SGMS1: variants seen among roughly 807,000 people sequenced by gnomAD.
SGMS1 encodes sphingomyelin synthase 1, also known as phosphatidylcholine:ceramide cholinephosphotransferase 1.
In SGMS1, 13 loss-of-function variants were observed where a neutral mutation model predicts 46.2. That is an observed-to-expected ratio of 0.28 (90% CI 0.18 to 0.45). The LOEUF is 0.45. Ranked by LOEUF, SGMS1 falls within the 20% of genes least tolerant of loss-of-function variation. The pLI is 1.00. For missense variants in SGMS1, 324 were observed against 519.9 expected, an observed-to-expected ratio of 0.62 and a Z score of 3.66; for synonymous variants, 203 against 187.8, an observed-to-expected ratio of 1.08 and a Z score of -0.66.
chr10:50,498,888 T>C (rs11005952), intron 3 of SGMS1, among the ~76,000 whole-genome samples: 20,044 of 152,208 alleles, frequency 0.13, 1,427 homozygotes, highest in Middle Eastern at 0.21. Context: ...GGAACTGTCA[T>C]ATTGTTTTCC....
At chr10:50,314,389 G>A (rs1847305846) in intron 8 of SGMS1, among the ~76,000 whole-genome samples, 1 of 152,074 alleles carries the variant, frequency 6.6e-6, no homozygotes, top group Non-Finnish European at 1.5e-5. Context: ...ACAGCTCTTC[G>A]AATGATTTGC....
chr10:50,420,739 T>C (rs1344865678), intron 6 of SGMS1, among the ~76,000 whole-genome samples: 3 of 152,226 alleles, frequency 2.0e-5, no homozygotes, highest in African/African-American at 7.2e-5. Context: ...TAAGTGTATA[T>C]GAACAACTCC....
At chr10:50,537,329 C>T (rs1448582617) in intron 2 of SGMS1, among the ~76,000 whole-genome samples, 1 of 152,020 alleles carries the variant, frequency 6.6e-6, no homozygotes, top group Non-Finnish European at 1.5e-5. Context: ...AGACTACTCA[C>T]CTGGGATGGT....
intron 6 of SGMS1, among the ~76,000 whole-genome samples, chr10:50,392,522 C>T (rs913806441): frequency 6.6e-6 from 1 of 152,132 alleles, no homozygotes; most frequent in Admixed American, 6.5e-5. Context: ...TCTACTGAGA[C>T]GTGAACTGCA....
At chr10:50,517,106 G>A (rs1301029074) in intron 3 of SGMS1, among the ~76,000 whole-genome samples, 1 of 152,110 alleles carries the variant, frequency 6.6e-6, no homozygotes, top group Non-Finnish European at 1.5e-5. Flanking sequence ...CATCCTCCTG[G>A]CTCCTAGCAC....
chr10:50,335,888 A>C (rs530216563), intron 7 of SGMS1: 13 of 152,224 alleles, frequency 8.5e-5, no homozygotes, highest in Non-Finnish European at 1.9e-4. Flanking sequence ...CTTATCTTCT[A>C]ATCTGCCTAC....
intron 6 of SGMS1, among the ~76,000 whole-genome samples, chr10:50,413,472 G>A (rs1422970257): frequency 6.6e-6 from 1 of 152,342 alleles, no homozygotes; most frequent in East Asian, 1.9e-4. Context: ...GCATTCAAAT[G>A]TCAGAAACAG....
At chr10:50,621,883 C>T (rs1181860885) in intron 1 of SGMS1, among the ~76,000 whole-genome samples, 2 of 152,234 alleles carry the variant, frequency 1.3e-5, no homozygotes, top group African/African-American at 4.8e-5. Flanking sequence ...CACCCCACTG[C>T]TACCCAGCAG....
At chr10:50,326,094 G>C (rs943694947) in intron 8 of SGMS1, among the ~76,000 whole-genome samples, 1 of 152,010 alleles carries the variant, frequency 6.6e-6, no homozygotes, top group African/African-American at 2.4e-5. Context: ...GGAATGTTGA[G>C]AACATTGCTT....
chr10:50,604,351 G>A (rs1025961058), intron 1 of SGMS1, among the ~76,000 whole-genome samples: 1 of 152,046 alleles, frequency 6.6e-6, no homozygotes, highest in Non-Finnish European at 1.5e-5. Flanking sequence ...GAGGTTCCAG[G>A]GACGGTGTCT....
chr10:50,612,433 T>G (rs971150681), intron 1 of SGMS1, among the ~76,000 whole-genome samples: 2 of 152,162 alleles, frequency 1.3e-5, no homozygotes, highest in Non-Finnish European at 2.9e-5. Flanking sequence ...AAGGTAGTGC[T>G]GAAATCAGCT....
intron 6 of SGMS1, among the ~76,000 whole-genome samples, chr10:50,388,092 T>C (rs1174484261): frequency 6.6e-6 from 1 of 152,150 alleles, no homozygotes; most frequent in Non-Finnish European, 1.5e-5. Flanking sequence ...TATGCTACCA[T>C]TTGTGTAAGA....
At chr10:50,362,944 A>T (rs778092244) in intron 6 of SGMS1, among the ~76,000 whole-genome samples, 1 of 152,148 alleles carries the variant, frequency 6.6e-6, no homozygotes, top group Non-Finnish European at 1.5e-5. Flanking sequence ...AAGTGAAATC[A>T]GCAAAAAAAT....
chr10:50,503,371 TC>T (rs1338307227), intron 3 of SGMS1, among the ~76,000 whole-genome samples: 1 of 152,160 alleles, frequency 6.6e-6, no homozygotes, highest in Non-Finnish European at 1.5e-5. Flanking sequence ...AGCTAAGCCA[TC>T]ATATCCCCTG....
chr10:50,431,166 A>C (rs1449494701), intron 6 of SGMS1, among the ~76,000 whole-genome samples: 10 of 152,196 alleles, frequency 6.6e-5, no homozygotes, highest in Admixed American at 6.5e-4. Flanking sequence ...AGCCAAAGGT[A>C]ATTATTTCAT....
intron 2 of SGMS1, among the ~76,000 whole-genome samples, chr10:50,559,171 C>A (rs1178616246): frequency 6.6e-6 from 1 of 152,114 alleles, no homozygotes; most frequent in Admixed American, 6.5e-5. Context: ...ATATCAAAGG[C>A]CTGTTACTAA....
At chr10:50,332,886 C>T (rs1350838824) in intron 7 of SGMS1, among the ~76,000 whole-genome samples, 2 of 152,148 alleles carry the variant, frequency 1.3e-5, no homozygotes, top group African/African-American at 4.8e-5. Context: ...TCCACCTCCT[C>T]TGTCTTCTCC....
chr10:50,613,519 G>A (rs776479746), intron 1 of SGMS1, among the ~76,000 whole-genome samples: 1 of 152,124 alleles, frequency 6.6e-6, no homozygotes, highest in South Asian at 2.1e-4. Flanking sequence ...ACCTGAACAG[G>A]CCTCTCTAGC....
chr10:50,474,917 ATTC>A (rs1837406975), intron 3 of SGMS1, among the ~76,000 whole-genome samples: 2 of 152,192 alleles, frequency 1.3e-5, no homozygotes, highest in South Asian at 4.1e-4. Flanking sequence ...ATATATAAAT[ATTC>A]TTATTATTCA....
Sources: gnomAD v4.1 joint callset for allele counts (sites outside exome capture counted in the v4.1 genomes callset) on GRCh38, gnomAD v4.1.1 for gene constraint, MANE v1.5 for transcripts, NCBI Gene and HGNC (gene_info 2026-07-23, HGNC 2026-07-21) for gene names.